MYL10: variants seen among roughly 807,000 people sequenced by gnomAD.
MYL10 encodes the protein myosin regulatory light chain 10.
MYL10 carries 18 observed loss-of-function variants against 21.9 expected under a neutral mutation model. The observed-to-expected ratio is 0.82, with a 90% CI of 0.57 to 1.22. The LOEUF (loss-of-function observed/expected upper bound fraction) is 1.22. Among genes scored for constraint, MYL10 ranks in the 50% most tolerant of loss-of-function variants. The probability of loss-of-function intolerance (pLI) is 0.00; values close to 1 mark genes in which losing one functional copy is unlikely to be tolerated. For synonymous variants in MYL10, 88 were observed against 82.8 expected, an observed-to-expected ratio of 1.06 and a Z score of -0.34; for missense variants, 225 against 230.4, an observed-to-expected ratio of 0.98 and a Z score of 0.15.
chr7:101,624,347 A>G, intron 1 of MYL10, 83 bp from the exon 2 acceptor site: 1 of 1,025,112 alleles, frequency 9.8e-7, no homozygotes, highest in Non-Finnish European at 1.5e-6. Flanking sequence ...CCAGGGCATC[A>G]CGGTCCAGAA....
chr7:101,615,601 C>G (rs740199), intron 6 of MYL10, among the ~76,000 whole-genome samples: 67,136 of 143,400 alleles, frequency 0.47, 16,446 homozygotes, highest in African/African-American at 0.58. Flanking sequence ...CTGTTCCCCC[C>G]CTAGCCTGGG....
Position 101,622,142 on chromosome 7 carries a change from G to A in MYL10, c.408C>T (p.Pro136=). The change falls in exon 5 of 8, where the codon CCC becomes CCT. Residue 136 remains proline, a synonymous_variant. Coordinates refer to ENST00000223167, the MANE Select transcript of MYL10 (RefSeq NM_138403.5). Reference sequence around the variant, plus strand: ...TGGTCAGGAACACCGTGAAGTTGATGGGTCCGGGGGCCTCCTTCACCATGG... The same window carrying A: ...TGGTCAGGAACACCGTGAAGTTGATAGGTCCGGGGGCCTCCTTCACCATGG... ...LEAMVKEAPG[P]INFTVFLTMF... 22 of 1,613,704 alleles carry A rather than the reference G, an allele frequency of 1.4e-5. No homozygotes were observed. The highest frequency in any genetic ancestry group is 1.9e-5 in the Non-Finnish European group (22 of 1,179,752).
At chr7:101,615,294 G>A (rs924426653) in intron 6 of MYL10, among the ~76,000 whole-genome samples, 5 of 151,952 alleles carry the variant, frequency 3.3e-5, no homozygotes, top group East Asian at 3.9e-4. Context: ...CTGTCCGCCC[G>A]ACTCCATCTC....
At chr7:101,627,997 AC>A (rs1202266128) in intron 1 of MYL10, among the ~76,000 whole-genome samples, 2 of 151,538 alleles carry the variant, frequency 1.3e-5, no homozygotes, top group Non-Finnish European at 2.9e-5. Context: ...AGTGTATGAA[AC>A]CCCCGGTCTG....
intron 1 of MYL10, among the ~76,000 whole-genome samples, chr7:101,624,902 A>G (rs1368809673): frequency 2.6e-5 from 4 of 151,874 alleles, no homozygotes; most frequent in African/African-American, 9.7e-5. Flanking sequence ...ACCTCCTCCG[A>G]GAAGCCTTCC....
intron 1 of MYL10, among the ~76,000 whole-genome samples, chr7:101,628,213 G>A (rs765381227): frequency 2.0e-4 from 31 of 152,196 alleles, no homozygotes; most frequent in Admixed American, 1.8e-3. Flanking sequence ...CAGAGCTTTC[G>A]GAGGCCAAGA....
In MYL10 at chr7:101,616,696, G is replaced by A. The variant is rs186329640; in HGVS notation, c.455-398C>T. ...GCTGCATGACCAGTGGTCTGGGTGA[G>A]GGGGCATGACTCTGGGGCTCACGTG... On this transcript the variant is annotated intron_variant, in intron 5 of 7. Coordinates refer to ENST00000223167, the MANE Select transcript of MYL10 (RefSeq NM_138403.5). Among the ~76,000 whole-genome samples, 47 of 152,332 alleles carry A rather than the reference G, an allele frequency of 3.1e-4. No individual in the cohort carries two copies. In the East Asian group the frequency reaches 8.1e-3, roughly 26 times the overall value.
intron 5 of MYL10, among the ~76,000 whole-genome samples, chr7:101,620,635 C>G (rs1796666897): frequency 6.6e-6 from 1 of 152,082 alleles, no homozygotes; most frequent in Non-Finnish European, 1.5e-5. Context: ...CAAGGTCAAC[C>G]TAGGAGTCAA....
At chr7:101,619,888 T>TA (rs1796656032) in intron 5 of MYL10, among the ~76,000 whole-genome samples, 1 of 5,232 alleles carries the variant, frequency 1.9e-4, no homozygotes, top group African/African-American at 8.5e-4. Flanking sequence ...AGACTCCGTC[T>TA]CAAAAAAAAA....
At chr7:101,628,076 G>A (rs1183933082) in intron 1 of MYL10, among the ~76,000 whole-genome samples, 5 of 152,230 alleles carry the variant, frequency 3.3e-5, no homozygotes, top group Non-Finnish European at 7.3e-5. Context: ...CCTATTATCA[G>A]GGTGTCCATT....
chr7:101,624,987 T>G (rs1414705445), intron 1 of MYL10, among the ~76,000 whole-genome samples: 1 of 151,932 alleles, frequency 6.6e-6, no homozygotes, highest in Non-Finnish European at 1.5e-5. Context: ...TATCACACTG[T>G]CCTGACATAT....
At chr7:101,614,950 G>GT (rs1796590900) in intron 6 of MYL10, among the ~76,000 whole-genome samples, 1 of 152,180 alleles carries the variant, frequency 6.6e-6, no homozygotes, top group South Asian at 2.1e-4. Context: ...GTCCAGCAAG[G>GT]TTCTGAAGGG....
At chr7:101,625,697 G>A (rs145938660) in intron 1 of MYL10, among the ~76,000 whole-genome samples, 1 of 152,324 alleles carries the variant, frequency 6.6e-6, no homozygotes, top group African/African-American at 2.4e-5. Flanking sequence ...TGCCAGGGCG[G>A]CCGGGACGTT....
At chr7:101,621,947 C>T in intron 5 of MYL10, 149 bp downstream of exon 5, 1 of 599,062 alleles carries the variant, frequency 1.7e-6, no homozygotes, top group South Asian at 2.0e-5. Context: ...GAGGCAGGGC[C>T]CCTGAAGGTG....
chr7:101,616,341 A>G, intron 5 of MYL10, 43 bp from the exon 6 acceptor site: 3 of 1,500,718 alleles, frequency 2.0e-6, no homozygotes, highest in Non-Finnish European at 2.8e-6. Context: ...GCAGGTGAAG[A>G]GGGCCCCACA....
intron 5 of MYL10, among the ~76,000 whole-genome samples, chr7:101,620,963 A>G (rs1204974381): frequency 2.0e-5 from 3 of 151,448 alleles, no homozygotes; most frequent in Non-Finnish European, 4.4e-5. Context: ...TAATTTTTGT[A>G]TTTTTAATAG....
Position 101,613,678 on chromosome 7 carries a change from C to T in MYL10, c.566G>A (p.Arg189His), listed in dbSNP as rs758861574. 3.7e-5 allele frequency: 60 copies of T among 1,613,998 alleles called. No homozygotes were observed. Among genetic ancestry groups the T allele is most frequent in the East Asian group, 6.7e-5 (3 of 44,884 alleles). The change falls in exon 7 of 8, where the codon CGC (arginine) becomes CAC (histidine). Residue 189 changes from arginine (R) to histidine (H), a missense_variant. By Grantham distance (29) the Arg-to-His change is conservative. Coordinates refer to ENST00000223167, the MANE Select transcript of MYL10 (RefSeq NM_138403.5). ...CCAGTTTACCTCCTCCTCACTGAAG[C>T]GGTCTGCCTGGGTCATAAGTTTTTC... Reference protein sequence around the residue: ...IKEKLMTQADRFSEEEVKQMF... With the variant: ...IKEKLMTQADHFSEEEVKQMF...
chr7:101,614,711 C>G (rs1299396975), intron 6 of MYL10, among the ~76,000 whole-genome samples: 1 of 152,112 alleles, frequency 6.6e-6, no homozygotes, highest in Non-Finnish European at 1.5e-5. Flanking sequence ...CTCAGCATCC[C>G]CTCCCCATCC....
intron 5 of MYL10, among the ~76,000 whole-genome samples, chr7:101,620,867 C>T (rs983373470): frequency 1.1e-4 from 17 of 151,222 alleles, no homozygotes; most frequent in African/African-American, 3.9e-4. Context: ...CGGCTCACGG[C>T]AACCTCTGCC....
Sources: gnomAD v4.1 joint callset for allele counts (sites outside exome capture counted in the v4.1 genomes callset) on GRCh38, gnomAD v4.1.1 for gene constraint, MANE v1.5 for transcripts, NCBI Gene and HGNC (gene_info 2026-07-23, HGNC 2026-07-21) for gene names.